MSRB3: variants seen among roughly 807,000 people sequenced by gnomAD.
The protein encoded by MSRB3 is methionine sulfoxide reductase B3.
In MSRB3, 13 loss-of-function variants were observed where a neutral mutation model predicts 21.0. The ratio of observed to expected loss-of-function variants is 0.62; its 90% CI spans 0.40 to 0.98. MSRB3 has a LOEUF of 0.98. MSRB3 is among the 50% of genes least tolerant of loss of function. The pLI is 0.00. For missense variants in MSRB3, 199 were observed against 230.3 expected, an observed-to-expected ratio of 0.86 and a Z score of 0.88; for synonymous variants, 87 against 88.6, an observed-to-expected ratio of 0.98 and a Z score of 0.10.
chr12:65,393,416 G>A (rs752554197), intron 5 of MSRB3, among the ~76,000 whole-genome samples: 1 of 152,036 alleles, frequency 6.6e-6, no homozygotes, highest in African/African-American at 2.4e-5. Context: ...GGTGAATCAC[G>A]AGGTCAGGGG....
At chr12:65,450,081 T>G (rs1043621971) in intron 5 of MSRB3, among the ~76,000 whole-genome samples, 2 of 151,490 alleles carry the variant, frequency 1.3e-5, no homozygotes, top group African/African-American at 4.8e-5. Context: ...AGCTACATTA[T>G]GGGTTGGAGG....
chr12:65,383,357 T>G lies in MSRB3; in HGVS notation c.292+14331T>G, dbSNP rs1034117150. Among the ~76,000 whole-genome samples, 4 of 152,308 alleles carry G rather than the reference T, an allele frequency of 2.6e-5. 1 individual carries two copies. Among genetic ancestry groups the G allele is most frequent in the South Asian group, 2.1e-4 (1 of 4,824 alleles). On this transcript the variant is annotated intron_variant, in intron 5 of 6. Transcript: ENST00000308259. The stretch of plus-strand genomic sequence containing the variant: ...TAATGGTAGGGTAGTCTTTCATGAT[T>G]GTGATAAGTATGAAAGAAGATTGCC...
intron 1 of MSRB3, among the ~76,000 whole-genome samples, chr12:65,301,515 G>T (rs543852741): frequency 6.6e-6 from 1 of 152,248 alleles, no homozygotes; most frequent in East Asian, 1.9e-4. Context: ...AATGAGTATG[G>T]TTTTTTGATA....
chr12:65,442,260 A>C (rs1326565322), intron 5 of MSRB3, among the ~76,000 whole-genome samples: 1 of 151,956 alleles, frequency 6.6e-6, no homozygotes, highest in Admixed American at 6.6e-5. Flanking sequence ...TTGAGACTTA[A>C]CTGCCCCTCA....
chr12:65,359,409 A>G (rs1417340832), intron 4 of MSRB3, among the ~76,000 whole-genome samples: 2 of 152,120 alleles, frequency 1.3e-5, no homozygotes, highest in Non-Finnish European at 2.9e-5. Context: ...AACCTAAGGC[A>G]GAAATGAAAA....
intron 5 of MSRB3, among the ~76,000 whole-genome samples, chr12:65,394,915 C>T (rs562428997): frequency 6.6e-6 from 1 of 152,166 alleles, no homozygotes; most frequent in African/African-American, 2.4e-5. Flanking sequence ...AGAAAACTTC[C>T]TAACTCAATA....
At chr12:65,294,146 A>G (rs1441768625) in intron 1 of MSRB3, among the ~76,000 whole-genome samples, 1 of 152,276 alleles carries the variant, frequency 6.6e-6, no homozygotes, top group South Asian at 2.1e-4. Context: ...AAATCCTTTG[A>G]AATCTAGGCA....
intron 4 of MSRB3, among the ~76,000 whole-genome samples, chr12:65,354,313 C>A (rs1049630060): frequency 1.3e-5 from 2 of 152,026 alleles, no homozygotes; most frequent in Non-Finnish European, 2.9e-5. Flanking sequence ...TAATATCCTG[C>A]AGAGTGTTTT....
At chr12:65,401,522 A>G (rs967939782) in intron 5 of MSRB3, among the ~76,000 whole-genome samples, 1 of 152,058 alleles carries the variant, frequency 6.6e-6, no homozygotes, top group African/African-American at 2.4e-5. Context: ...TGAGATGGGT[A>G]TCCTGAATAC....
intron 4 of MSRB3, among the ~76,000 whole-genome samples, chr12:65,331,618 T>C (rs1309059823): frequency 6.6e-6 from 1 of 152,208 alleles, no homozygotes; most frequent in Non-Finnish European, 1.5e-5. Flanking sequence ...TACCAAACCA[T>C]GTGAGCGGAG....
chr12:65,392,829 G>T (rs762252534), intron 5 of MSRB3, among the ~76,000 whole-genome samples: 7 of 152,138 alleles, frequency 4.6e-5, no homozygotes, highest in Non-Finnish European at 7.4e-5. Context: ...GCTCTGGAAC[G>T]AATTGTAGTT....
intron 4 of MSRB3, among the ~76,000 whole-genome samples, chr12:65,342,796 T>G (rs1876230028): frequency 6.6e-6 from 1 of 152,032 alleles, no homozygotes; most frequent in Non-Finnish European, 1.5e-5. Flanking sequence ...CAAAAGAACA[T>G]TTAATTATCT....
intron 1 of MSRB3, chr12:65,281,991 C>G (rs1235344974): frequency 6.6e-6 from 1 of 152,228 alleles, no homozygotes; most frequent in Non-Finnish European, 1.5e-5. Context: ...TGTATTTTCT[C>G]TTTCCTGCCC....
At chr12:65,326,753 G>A in intron 2 of MSRB3, 73 bp from the exon 3 acceptor site, 1 of 1,137,764 alleles carries the variant, frequency 8.8e-7, no homozygotes, top group Non-Finnish European at 1.3e-6. Context: ...GCTGTGCTGT[G>A]GCGGTCAGCC....
chr12:65,370,436 A>C (rs924946019), intron 5 of MSRB3, among the ~76,000 whole-genome samples: 10 of 152,160 alleles, frequency 6.6e-5, no homozygotes, highest in Non-Finnish European at 1.2e-4. Flanking sequence ...TTCCCTAAAC[A>C]TCAAGTCAGA....
intron 5 of MSRB3, among the ~76,000 whole-genome samples, chr12:65,437,429 G>C (rs964950520): frequency 6.6e-6 from 1 of 151,824 alleles, no homozygotes; most frequent in African/African-American, 2.4e-5. Flanking sequence ...AGCAAGATCT[G>C]GTAGTTCATC....
intron 4 of MSRB3, among the ~76,000 whole-genome samples, chr12:65,349,346 G>A (rs1160287408): frequency 6.6e-6 from 1 of 151,704 alleles, no homozygotes; most frequent in South Asian, 2.1e-4. Context: ...CTTTGCTATT[G>A]TGAATAATGC....
intron 2 of MSRB3, among the ~76,000 whole-genome samples, chr12:65,315,072 A>G (rs1228220537): frequency 6.6e-6 from 1 of 152,182 alleles, no homozygotes; most frequent in Non-Finnish European, 1.5e-5. Flanking sequence ...ATATTTGATG[A>G]ATTTTTACTA....
Position 65,453,814 on chromosome 12 carries a change from A to G in MSRB3, c.379A>G (p.Ser127Gly). The change falls in exon 6 of 7, where the codon AGC (serine) becomes GGC (glycine). Residue 127 changes from serine to glycine, a missense_variant. By Grantham distance (56) the Ser-to-Gly change is moderately conservative (BLOSUM62 0). Transcript: ENST00000308259. ...CTATGGGATGCACAGGGTGGAAACA[A>G]GCTGCTCTCAGGTGAGTTCATCCTT... ...FSYGMHRVET[S>G]CSQCGAHLGH... The G allele has an allele frequency of 6.2e-7, 1 of 1,613,756 alleles. No homozygotes were observed. Among genetic ancestry groups the G allele is most frequent in the Admixed American group, 1.7e-5 (1 of 59,998 alleles).
Sources: allele counts gnomAD v4.1 joint callset (sites outside exome capture counted in the v4.1 genomes callset), GRCh38; gene constraint gnomAD v4.1.1; transcripts MANE v1.5; gene names NCBI Gene and HGNC (gene_info 2026-07-23, HGNC 2026-07-21).